RALYL: variants seen among roughly 807,000 people sequenced by gnomAD.
RALYL encodes the protein RALY RNA binding protein like.
A neutral mutation model predicts 35.1 loss-of-function variants in RALYL; 29 were observed. The ratio of observed to expected loss-of-function variants is 0.83; its 90% CI spans 0.61 to 1.13. The LOEUF (loss-of-function observed/expected upper bound fraction) is 1.13, where lower values mean the gene tolerates loss of function less well. Among genes scored for constraint, RALYL ranks in the 50% most tolerant of loss-of-function variants. RALYL has a pLI of 0.00. For synonymous variants in RALYL, 120 were observed against 127.6 expected, an observed-to-expected ratio of 0.94 and a Z score of 0.40; for missense variants, 359 against 360.4, an observed-to-expected ratio of 1.00 and a Z score of 0.03.
intron 1 of RALYL, among the ~76,000 whole-genome samples, chr8:84,403,066 T>C (rs2043081655): frequency 6.6e-6 from 1 of 152,212 alleles, no homozygotes; most frequent in African/African-American, 2.4e-5. Context: ...TATTAGCCCT[T>C]TATCAGATGG....
chr8:84,644,427 C>A (rs1331866848), intron 2 of RALYL, among the ~76,000 whole-genome samples: 1 of 152,068 alleles, frequency 6.6e-6, no homozygotes, highest in East Asian at 1.9e-4. Context: ...TCCTCGTGGA[C>A]TGACATTCTA....
At chr8:84,766,720 CAA>C (rs751821694) in intron 2 of RALYL, among the ~76,000 whole-genome samples, 2 of 18,016 alleles carry the variant, frequency 1.1e-4, no homozygotes, top group Non-Finnish European at 2.1e-4. Flanking sequence ...GAGACTGTCT[CAA>C]AAAAAAAAAA....
At chr8:84,249,171 C>A (rs1363431441) in intron 1 of RALYL, among the ~76,000 whole-genome samples, 2 of 152,092 alleles carry the variant, frequency 1.3e-5, no homozygotes, top group East Asian at 1.9e-4. Flanking sequence ...ATTCAAGAAA[C>A]CCTAACGTCA....
intron 1 of RALYL, among the ~76,000 whole-genome samples, chr8:84,513,014 T>C (rs1298661194): frequency 6.6e-6 from 1 of 152,222 alleles, no homozygotes; most frequent in Non-Finnish European, 1.5e-5. Flanking sequence ...TCCAGGGTCT[T>C]CTTTTGGTTC....
chr8:84,888,081 G>T (rs1216985311), intron 8 of RALYL, among the ~76,000 whole-genome samples: 1 of 152,236 alleles, frequency 6.6e-6, no homozygotes, highest in Non-Finnish European at 1.5e-5. Context: ...TTGCATTTAT[G>T]CAATTACAAG....
intron 5 of RALYL, among the ~76,000 whole-genome samples, chr8:84,850,758 A>T (rs1036723185): frequency 3.9e-5 from 6 of 152,234 alleles, no homozygotes; most frequent in Non-Finnish European, 7.3e-5. Context: ...CGGAGTAGGC[A>T]TCTGTTTTAT....
chr8:84,681,748 A>T (rs934174028), intron 2 of RALYL, among the ~76,000 whole-genome samples: 2 of 152,134 alleles, frequency 1.3e-5, no homozygotes, highest in African/African-American at 4.8e-5. Flanking sequence ...GGCTGAGACA[A>T]TGGGGTTTTC....
At chr8:84,912,573 G>A (rs1847684589) in intron 8 of RALYL, among the ~76,000 whole-genome samples, 1 of 151,990 alleles carries the variant, frequency 6.6e-6, no homozygotes, top group African/African-American at 2.4e-5. Context: ...TAGCAGAAGA[G>A]GATCTCCAAA....
At chr8:84,523,664 C>CA (rs1564082339) in intron 1 of RALYL, among the ~76,000 whole-genome samples, 1 of 108,878 alleles carries the variant, frequency 9.2e-6, no homozygotes, top group Non-Finnish European at 1.8e-5. Flanking sequence ...ATCCCTCCCC[C>CA]CTCCCCCCAC....
intron 6 of RALYL, among the ~76,000 whole-genome samples, chr8:84,866,364 A>G (rs1237324807): frequency 1.3e-5 from 2 of 152,204 alleles, no homozygotes; most frequent in African/African-American, 4.8e-5. Flanking sequence ...TGAAAATAAT[A>G]TACTGTGTAT....
chr8:84,378,394 A>T (rs551058912), intron 1 of RALYL, among the ~76,000 whole-genome samples: 1 of 152,044 alleles, frequency 6.6e-6, no homozygotes, highest in East Asian at 1.9e-4. Flanking sequence ...GAGTTTAATT[A>T]TGTATTTCTT....
At chr8:84,526,389 T>C (rs1036129827) in intron 1 of RALYL, among the ~76,000 whole-genome samples, 1 of 152,172 alleles carries the variant, frequency 6.6e-6, no homozygotes, top group Non-Finnish European at 1.5e-5. Context: ...CCTATTGGAA[T>C]CTTTAATCTC....
intron 2 of RALYL, among the ~76,000 whole-genome samples, chr8:84,638,357 T>C (rs144008792): frequency 6.5e-4 from 98 of 151,846 alleles, no homozygotes; most frequent in African/African-American, 2.2e-3. Flanking sequence ...CATCAAAGTC[T>C]GAAAGAGCAC....
Position 84,735,811 on chromosome 8 carries a change from C to CGAGAGAGAGAGA in RALYL, c.257-38741_257-38730dup, listed in dbSNP as rs59842702. ...CCATTCCTTAAGATCATCCAAACCGCGAGAGAGAGAGAGAGAGAGAGAGAG... is the reference window on the plus strand; with the variant it reads ...CCATTCCTTAAGATCATCCAAACCGCGAGAGAGAGAGAGAGAGAGAGAGAGAGAGAGAGAGAG... On this transcript the variant is annotated intron_variant, in intron 2 of 8. Coordinates refer to ENST00000521268, the MANE Select transcript of RALYL (RefSeq NM_173848.7). 1.4e-3 allele frequency among the ~76,000 whole-genome samples: 161 copies of CGAGAGAGAGAGA among 111,378 alleles called. 1 individual carries two copies. The highest frequency in any genetic ancestry group is 3.7e-3 in the African/African-American group (121 of 32,376). 73.1% of individuals were successfully genotyped at this position (111,378 alleles called of 152,430 possible). A position where few individuals can be genotyped will look rare whatever the true frequency, so the allele number is the denominator to read the frequency against.
chr8:84,499,346 T>C (rs557241764), intron 1 of RALYL, among the ~76,000 whole-genome samples: 9 of 152,206 alleles, frequency 5.9e-5, no homozygotes, highest in Non-Finnish European at 1.2e-4. Context: ...AGAATACTTG[T>C]TTTGGGAAAT....
chr8:84,891,030 G>T (rs1843757909), intron 8 of RALYL, among the ~76,000 whole-genome samples: 1 of 152,114 alleles, frequency 6.6e-6, no homozygotes, highest in African/African-American at 2.4e-5. Context: ...GAAAAACAAA[G>T]TCTGTACTTA....
At chr8:84,642,416 C>A (rs558228945) in intron 2 of RALYL, among the ~76,000 whole-genome samples, 68 of 151,632 alleles carry the variant, frequency 4.5e-4, no homozygotes, top group African/African-American at 1.3e-3. Context: ...CAGTTTCAAA[C>A]AAGTTTCCAA....
chr8:84,320,203 A>T (rs1044661915), intron 1 of RALYL, among the ~76,000 whole-genome samples: 1 of 152,058 alleles, frequency 6.6e-6, no homozygotes. Flanking sequence ...TTCATGAAGC[A>T]TATAATAACA....
At chr8:84,416,474 G>A (rs2044713733) in intron 1 of RALYL, among the ~76,000 whole-genome samples, 1 of 152,128 alleles carries the variant, frequency 6.6e-6, no homozygotes, top group Non-Finnish European at 1.5e-5. Flanking sequence ...CCCATATGAA[G>A]AGAGAAGAAT....
Sources: gnomAD v4.1 joint callset for allele counts (sites outside exome capture counted in the v4.1 genomes callset) on GRCh38, gnomAD v4.1.1 for gene constraint, MANE v1.5 for transcripts, NCBI Gene and HGNC (gene_info 2026-07-23, HGNC 2026-07-21) for gene names.